Variants in KIAA1549 observed in about 807,000 individuals in gnomAD.
KIAA1549 encodes KIAA1549, also known as UPF0606 protein KIAA1549.
A neutral mutation model predicts 156.4 loss-of-function variants in KIAA1549; 70 were observed. The ratio of observed to expected loss-of-function variants is 0.45; its 90% CI spans 0.37 to 0.55. The LOEUF (loss-of-function observed/expected upper bound fraction) is 0.55, where lower values mean the gene tolerates loss of function less well. Among genes scored for constraint, KIAA1549 ranks in the 20% least tolerant of loss-of-function variants. The pLI, the probability that KIAA1549 is intolerant of heterozygous loss-of-function variation, is 0.00. For synonymous variants in KIAA1549, 1,103 were observed against 1,066.4 expected (o/e 1.03, Z -0.67); for missense variants, 2,428 against 2,540.9 (o/e 0.96, Z 0.96).
intron 17 of KIAA1549, among the ~76,000 whole-genome samples, chr7:138,849,457 T>G (rs1584701222): frequency 6.6e-6 from 1 of 152,170 alleles, no homozygotes; most frequent in South Asian, 2.1e-4. Flanking sequence ...TCATTATTAT[T>G]CATTTTAGGA....
At chr7:138,932,233 G>T (rs1812892935) in intron 1 of KIAA1549, among the ~76,000 whole-genome samples, 1 of 152,156 alleles carries the variant, frequency 6.6e-6, no homozygotes, top group South Asian at 2.1e-4. Context: ...TCTTTATTTT[G>T]TCTTAACTGG....
At chr7:138,869,837 T>A (rs991087297) in intron 13 of KIAA1549, 76 bp from the exon 14 acceptor site, 3 of 938,100 alleles carry the variant, frequency 3.2e-6, no homozygotes, top group Non-Finnish European at 3.2e-6. Flanking sequence ...TCGCAAAGTC[T>A]TTATTTATTT....
At chr7:138,955,507 G>C (rs903984057) in intron 1 of KIAA1549, among the ~76,000 whole-genome samples, 1 of 152,168 alleles carries the variant, frequency 6.6e-6, no homozygotes, top group African/African-American at 2.4e-5. Flanking sequence ...TGGGTACAGA[G>C]GTTCTATTTT....
At chr7:138,903,949 G>A (rs1167891854) in intron 7 of KIAA1549, among the ~76,000 whole-genome samples, 1 of 152,094 alleles carries the variant, frequency 6.6e-6, no homozygotes, top group African/African-American at 2.4e-5. Flanking sequence ...GAGAAAAAGT[G>A]ATCATGAATG....
At chr7:138,886,753 G>GCTGT (rs2130420158) in intron 10 of KIAA1549, among the ~76,000 whole-genome samples, 1 of 152,276 alleles carries the variant, frequency 6.6e-6, no homozygotes, top group African/African-American at 2.4e-5. Context: ...TGTTACAGGA[G>GCTGT]TACACCACTC....
At chr7:138,872,519 G>A (rs563324195) in intron 12 of KIAA1549, among the ~76,000 whole-genome samples, 1 of 152,220 alleles carries the variant, frequency 6.6e-6, no homozygotes, top group African/African-American at 2.4e-5. Context: ...TATTTTTACA[G>A]TAGAGATAAT....
chr7:138,963,837 A>G (rs1160753331), intron 1 of KIAA1549, among the ~76,000 whole-genome samples: 1 of 152,210 alleles, frequency 6.6e-6, no homozygotes, highest in Non-Finnish European at 1.5e-5. Context: ...CAAACAACAG[A>G]AAAACAGCAT....
intron 13 of KIAA1549, 111 bp from the exon 14 acceptor site, chr7:138,869,872 C>T: frequency 2.5e-6 from 2 of 798,562 alleles, no homozygotes; most frequent in East Asian, 5.4e-5. Flanking sequence ...TTATTTGAGA[C>T]AGAGTCTCAC....
rs1215213009 is a variant in KIAA1549 at position 138,838,161 on chromosome 7, C to G, written c.5599-1G>C. 1.4e-6 allele frequency: 2 copies of G among 1,461,958 alleles called. No homozygotes were observed. Among genetic ancestry groups the G allele is most frequent in the African/African-American group, 2.8e-5 (2 of 70,272 alleles). 90.6% of individuals were successfully genotyped at this position (1,461,958 alleles called of 1,614,324 possible). ...ACTCTTGATGTCCGAGCATGTGTGT[C>G]TGAAAAACATGGCAAACGTCACTGT... is the stretch of plus-strand genomic sequence containing the variant. On this transcript the variant is annotated splice_acceptor_variant, in intron 19 of 19. Coordinates refer to ENST00000422774, the MANE Select transcript of KIAA1549 (RefSeq NM_001164665.2). LOFTEE classifies it high-confidence loss of function.
chr7:138,966,376 A>G (rs1488988094), intron 1 of KIAA1549, among the ~76,000 whole-genome samples: 1 of 152,114 alleles, frequency 6.6e-6, no homozygotes, highest in Admixed American at 6.5e-5. Flanking sequence ...CTAGAGGGAC[A>G]GAACTAATAG....
intron 15 of KIAA1549, among the ~76,000 whole-genome samples, chr7:138,866,632 CCT>C (rs1810750766): frequency 6.6e-6 from 1 of 152,118 alleles, no homozygotes; most frequent in Non-Finnish European, 1.5e-5. Flanking sequence ...CCTGGCTCGC[CCT>C]CTCTGTCTTC....
chr7:138,952,129 C>T (rs1198413877), intron 1 of KIAA1549, among the ~76,000 whole-genome samples: 4 of 152,160 alleles, frequency 2.6e-5, no homozygotes, highest in Non-Finnish European at 5.9e-5. Context: ...CGGCACTTTA[C>T]CCGTGCCTGG....
chr7:138,852,559 T>TC (rs1810265998), intron 16 of KIAA1549, among the ~76,000 whole-genome samples: 1 of 152,220 alleles, frequency 6.6e-6, no homozygotes, highest in Admixed American at 6.5e-5. Flanking sequence ...TGCCTGCTCT[T>TC]CCCCACAGAT....
At chr7:138,864,131 C>T (rs1045558889) in intron 15 of KIAA1549, among the ~76,000 whole-genome samples, 4 of 152,136 alleles carry the variant, frequency 2.6e-5, no homozygotes, top group Non-Finnish European at 4.4e-5. Context: ...ATGTTCCTGG[C>T]GGTGATTCCG....
At chr7:138,846,493 C>A in intron 17 of KIAA1549, among the ~76,000 whole-genome samples, 1 of 143,770 alleles carries the variant, frequency 7.0e-6, no homozygotes. Flanking sequence ...GAGATCATGC[C>A]ACTGCACTCC....
intron 1 of KIAA1549, among the ~76,000 whole-genome samples, chr7:138,924,229 A>G (rs1812648457): frequency 6.7e-6 from 1 of 150,170 alleles, no homozygotes; most frequent in South Asian, 2.1e-4. Flanking sequence ...TCTACAATGA[A>G]GGCTTACAAG....
chr7:138,843,614 CAT>C (rs1484646933), intron 18 of KIAA1549, among the ~76,000 whole-genome samples: 3 of 152,090 alleles, frequency 2.0e-5, no homozygotes, highest in African/African-American at 4.8e-5. Flanking sequence ...TGTTATCAAA[CAT>C]GTATAATTTC....
chr7:138,872,525 A>G (rs1445806703), intron 12 of KIAA1549, among the ~76,000 whole-genome samples: 2 of 152,202 alleles, frequency 1.3e-5, no homozygotes, highest in East Asian at 3.8e-4. Flanking sequence ...TACAGTAGAG[A>G]TAATCCCAAT....
chr7:138,854,050 T>C (rs1469720590), intron 16 of KIAA1549, among the ~76,000 whole-genome samples: 1 of 152,154 alleles, frequency 6.6e-6, no homozygotes, highest in Non-Finnish European at 1.5e-5. Flanking sequence ...TTCTAGGGAC[T>C]ACATGCCCTG....
Sources: gnomAD v4.1 joint callset for allele counts (sites outside exome capture counted in the v4.1 genomes callset) on GRCh38, gnomAD v4.1.1 for gene constraint, MANE v1.5 for transcripts, NCBI Gene and HGNC (gene_info 2026-07-23, HGNC 2026-07-21) for gene names.